Variants in LHFPL3 observed in about 807,000 individuals in gnomAD.
LHFPL3 encodes the protein LHFPL tetraspan subfamily member 3, also known as LHFPL tetraspan subfamily member 3 protein.
Under a neutral mutation model 19.3 loss-of-function variants are expected in LHFPL3, and 5 were observed. The observed-to-expected ratio is 0.26, with a 90% CI of 0.14 to 0.54. The LOEUF (loss-of-function observed/expected upper bound fraction) is 0.54. Among genes scored for constraint, LHFPL3 ranks in the 20% least tolerant of loss-of-function variants. The probability of loss-of-function intolerance (pLI) is 0.94; values close to 1 mark genes in which losing one functional copy is unlikely to be tolerated. For synonymous variants in LHFPL3, 133 were observed against 126.2 expected, an observed-to-expected ratio of 1.05 and a Z score of -0.36; for missense variants, 249 against 307.4, an observed-to-expected ratio of 0.81 and a Z score of 1.42.
chr7:104,654,629 G>A (rs1018826604), intron 1 of LHFPL3, among the ~76,000 whole-genome samples: 4 of 152,092 alleles, frequency 2.6e-5, no homozygotes, highest in African/African-American at 4.8e-5. Context: ...TTCTGAGTGA[G>A]GTATCTGGCA....
intron 2 of LHFPL3, among the ~76,000 whole-genome samples, chr7:104,755,292 A>T (rs1794260938): frequency 7.5e-6 from 1 of 133,338 alleles, no homozygotes; most frequent in Non-Finnish European, 1.6e-5. Flanking sequence ...AAAGTAAGTC[A>T]TGGCTGGACC....
At chr7:104,772,924 G>A (rs1284473666) in intron 2 of LHFPL3, among the ~76,000 whole-genome samples, 3 of 152,238 alleles carry the variant, frequency 2.0e-5, no homozygotes, top group East Asian at 1.9e-4. Context: ...TGTTAACAGC[G>A]CTGTCAACAA....
intron 1 of LHFPL3, among the ~76,000 whole-genome samples, chr7:104,446,559 T>C (rs1169832498): frequency 6.6e-6 from 1 of 152,150 alleles, no homozygotes; most frequent in Non-Finnish European, 1.5e-5. Context: ...TTTTTGTTTT[T>C]ATTTTATTTT....
chr7:104,683,898 T>G (rs963430449), intron 1 of LHFPL3, among the ~76,000 whole-genome samples: 3 of 152,186 alleles, frequency 2.0e-5, no homozygotes, highest in African/African-American at 7.2e-5. Flanking sequence ...GGGAGTTGGT[T>G]TGGGTATATG....
chr7:104,511,275 C>G (rs150134592), intron 1 of LHFPL3, among the ~76,000 whole-genome samples: 3 of 152,220 alleles, frequency 2.0e-5, no homozygotes, highest in Non-Finnish European at 4.4e-5. Context: ...CACTAGACAC[C>G]TATCGGAATA....
At chr7:104,498,224 T>G (rs748742894) in intron 1 of LHFPL3, among the ~76,000 whole-genome samples, 15 of 150,124 alleles carry the variant, frequency 1.0e-4, no homozygotes, top group Non-Finnish European at 2.1e-4. Context: ...AAATGCAGTT[T>G]CTAATCTTTG....
intron 1 of LHFPL3, among the ~76,000 whole-genome samples, chr7:104,498,191 T>A (rs868698381): frequency 6.6e-6 from 1 of 152,186 alleles, no homozygotes; most frequent in African/African-American, 2.4e-5. Context: ...AGTGAACATA[T>A]CTTGGGAACT....
intron 1 of LHFPL3, among the ~76,000 whole-genome samples, chr7:104,592,512 C>G (rs1790747019): frequency 6.6e-6 from 1 of 152,100 alleles, no homozygotes; most frequent in Non-Finnish European, 1.5e-5. Context: ...TGTCAGTCGG[C>G]CCCTACTGGG....
intron 1 of LHFPL3, among the ~76,000 whole-genome samples, chr7:104,330,225 C>G (rs1468248570): frequency 1.3e-5 from 2 of 152,204 alleles, no homozygotes; most frequent in Admixed American, 1.3e-4. Context: ...GCCCTCCCTT[C>G]TAAAGTCAAG....
At chr7:104,844,545 G>T (rs930825318) in intron 2 of LHFPL3, among the ~76,000 whole-genome samples, 2 of 152,006 alleles carry the variant, frequency 1.3e-5, no homozygotes, top group African/African-American at 4.8e-5. Flanking sequence ...TTTTTCCCTT[G>T]ATTATTTTTC....
chr7:104,618,668 T>A (rs1036867052), intron 1 of LHFPL3, among the ~76,000 whole-genome samples: 2 of 147,174 alleles, frequency 1.4e-5, no homozygotes, highest in African/African-American at 5.0e-5. Context: ...GTTGATTCTT[T>A]AAAAAAAAAA....
chr7:104,670,138 C>CT (rs71155516), intron 1 of LHFPL3, among the ~76,000 whole-genome samples: 18,021 of 140,504 alleles, frequency 0.13, 1,201 homozygotes, highest in East Asian at 0.19. Context: ...GAGGGAATTC[C>CT]TTTTTTTTTT....
At chr7:104,446,367 A>G (rs758823820) in intron 1 of LHFPL3, among the ~76,000 whole-genome samples, 25 of 152,092 alleles carry the variant, frequency 1.6e-4, no homozygotes, top group Non-Finnish European at 7.4e-5. Context: ...TCAACCTAGC[A>G]TTGTTCTTTT....
At chr7:104,541,106 A>ACACAC (rs1280038986) in intron 1 of LHFPL3, among the ~76,000 whole-genome samples, 9 of 60,306 alleles carry the variant, frequency 1.5e-4, no homozygotes, top group African/African-American at 4.3e-4. Flanking sequence ...TCCCCATGAC[A>ACACAC]CACACACACA....
chr7:104,771,406 C>T (rs534973639), intron 2 of LHFPL3, among the ~76,000 whole-genome samples: 3 of 152,250 alleles, frequency 2.0e-5, no homozygotes, highest in African/African-American at 4.8e-5. Flanking sequence ...ATGATTTGTT[C>T]ATGTCAGAAG....
intron 1 of LHFPL3, among the ~76,000 whole-genome samples, chr7:104,476,012 T>C (rs1793005290): frequency 6.6e-6 from 1 of 152,156 alleles, no homozygotes; most frequent in South Asian, 2.1e-4. Context: ...GGGTGTAGCA[T>C]GCCTTGAGTC....
chr7:104,753,785 A>C (rs1794223244), intron 2 of LHFPL3, among the ~76,000 whole-genome samples: 1 of 152,240 alleles, frequency 6.6e-6, no homozygotes, highest in African/African-American at 2.4e-5. Context: ...CAGAGCCAGC[A>C]TGTAAAGAAA....
intron 1 of LHFPL3, among the ~76,000 whole-genome samples, chr7:104,536,013 C>A (rs1176920767): frequency 6.6e-6 from 1 of 152,214 alleles, no homozygotes; most frequent in Non-Finnish European, 1.5e-5. Flanking sequence ...CCCTACAGCA[C>A]CACGGGAGGA....
intron 1 of LHFPL3, among the ~76,000 whole-genome samples, chr7:104,581,391 G>A (rs1011895941): frequency 1.9e-4 from 29 of 151,918 alleles, no homozygotes; most frequent in African/African-American, 6.5e-4. Context: ...GTTTTTACAT[G>A]TTCTGGGTAC....
Sources: gnomAD v4.1 joint callset for allele counts (sites outside exome capture counted in the v4.1 genomes callset) on GRCh38, gnomAD v4.1.1 for gene constraint, MANE v1.5 for transcripts, NCBI Gene and HGNC (gene_info 2026-07-23, HGNC 2026-07-21) for gene names.